The following FRMD4B variants were observed in gnomAD, a reference collection of about 807,000 sequenced individuals.
FRMD4B encodes FERM domain containing 4B, also known as FERM domain-containing protein 4B.
Under a neutral mutation model 141.5 loss-of-function variants are expected in FRMD4B, and 74 were observed. The observed-to-expected ratio is 0.52, with a 90% CI of 0.43 to 0.63. The LOEUF is 0.63. Among genes scored for constraint, FRMD4B ranks in the 30% least tolerant of loss-of-function variants. The pLI is 0.00. For synonymous variants in FRMD4B, 506 were observed against 467.9 expected (o/e 1.08, Z -1.05); for missense variants, 1,366 against 1,253.4 (o/e 1.09, Z -1.36).
At chr3:69,330,647 C>CTTT (rs59308674) in intron 1 of FRMD4B, among the ~76,000 whole-genome samples, 3,343 of 147,240 alleles carry the variant, frequency 0.023, 110 homozygotes, top group African/African-American at 0.078. Flanking sequence ...GCCTGGCCGC[C>CTTT]TTTTTTTTTT....
At chr3:69,478,777 G>A (rs996828762) in intron 1 of FRMD4B, among the ~76,000 whole-genome samples, 10 of 152,108 alleles carry the variant, frequency 6.6e-5, no homozygotes, top group East Asian at 5.8e-4. Flanking sequence ...TTTCTGTCTC[G>A]TTGATCTGTC....
intron 2 of FRMD4B, among the ~76,000 whole-genome samples, chr3:69,413,387 G>A (rs894204108): frequency 3.9e-5 from 6 of 152,144 alleles, no homozygotes; most frequent in Middle Eastern, 3.2e-3. Flanking sequence ...ACCCCAGGCC[G>A]TCTTGATGTT....
intron 18 of FRMD4B, among the ~76,000 whole-genome samples, chr3:69,188,381 T>C (rs1293706382): frequency 6.6e-6 from 1 of 152,228 alleles, no homozygotes; most frequent in Non-Finnish European, 1.5e-5. Context: ...AGGCTTGTTA[T>C]GTTTTCCACT....
intron 7 of FRMD4B, among the ~76,000 whole-genome samples, chr3:69,244,448 G>A (rs1372186909): frequency 6.6e-6 from 1 of 152,164 alleles, no homozygotes; most frequent in South Asian, 2.1e-4. Flanking sequence ...AGGTATTTGG[G>A]GACATATTTT....
At chr3:69,290,286 G>A (rs192391793) in intron 4 of FRMD4B, among the ~76,000 whole-genome samples, 356 of 152,252 alleles carry the variant, frequency 2.3e-3, no homozygotes, top group Middle Eastern at 3.4e-3. Flanking sequence ...CTTGAGGGGC[G>A]GGTGAGGAGG....
At chr3:69,481,240 A>T (rs1323345042) in intron 1 of FRMD4B, among the ~76,000 whole-genome samples, 1 of 151,852 alleles carries the variant, frequency 6.6e-6, no homozygotes, top group Non-Finnish European at 1.5e-5. Flanking sequence ...ACTGTCTGGC[A>T]CTCCCTAGTG....
intron 7 of FRMD4B, among the ~76,000 whole-genome samples, chr3:69,234,217 C>G (rs2093329856): frequency 6.6e-6 from 1 of 150,398 alleles, no homozygotes; most frequent in Non-Finnish European, 1.5e-5. Context: ...TGCCCTCCAG[C>G]CTGGGTGACA....
At chr3:69,172,051 C>T in intron 22 of FRMD4B, 70 bp from the exon 23 acceptor site, 8 of 1,457,964 alleles carry the variant, frequency 5.5e-6, no homozygotes, top group Admixed American at 1.8e-5. Context: ...AAGACTACTA[C>T]ATTTAAAGAA....
chr3:69,209,819 A>C (rs2093058577), intron 11 of FRMD4B, among the ~76,000 whole-genome samples: 1 of 152,166 alleles, frequency 6.6e-6, no homozygotes, highest in Non-Finnish European at 1.5e-5. Context: ...AGAACAACCC[A>C]TGTTCTCTTC....
chr3:69,468,047 A>G (rs1025724203), intron 1 of FRMD4B, among the ~76,000 whole-genome samples: 4 of 152,232 alleles, frequency 2.6e-5, no homozygotes, highest in Non-Finnish European at 5.9e-5. Context: ...GTTTTTGACA[A>G]AGAGCAAATG....
intron 4 of FRMD4B, among the ~76,000 whole-genome samples, chr3:69,295,941 C>T (rs916493112): frequency 6.6e-6 from 1 of 152,130 alleles, no homozygotes. Flanking sequence ...CTCAGCCTCC[C>T]GCGTAGCTGG....
intron 1 of FRMD4B, among the ~76,000 whole-genome samples, chr3:69,486,289 G>A (rs1464747902): frequency 1.3e-5 from 2 of 152,144 alleles, no homozygotes; most frequent in Non-Finnish European, 2.9e-5. Flanking sequence ...AAGTTCTTTA[G>A]TGATCTGTGA....
At chr3:69,490,255 A>C (rs1467356107) in intron 1 of FRMD4B, among the ~76,000 whole-genome samples, 1 of 152,230 alleles carries the variant, frequency 6.6e-6, no homozygotes, top group African/African-American at 2.4e-5. Flanking sequence ...ATCCCAATGA[A>C]AGCTTAAAAA....
chr3:69,297,744 C>G (rs887181272), intron 4 of FRMD4B, among the ~76,000 whole-genome samples: 7 of 152,138 alleles, frequency 4.6e-5, no homozygotes, highest in Non-Finnish European at 1.0e-4. Context: ...TAATTTATGG[C>G]AGCCAGATAA....
chr3:69,199,048 A>T, intron 11 of FRMD4B: 1 of 325,638 alleles, frequency 3.1e-6, no homozygotes, highest in South Asian at 3.2e-5. Context: ...AGGCAGGTGG[A>T]TCACGAGGTC....
At chr3:69,203,058 G>A (rs1487725704) in intron 11 of FRMD4B, among the ~76,000 whole-genome samples, 1 of 149,164 alleles carries the variant, frequency 6.7e-6, no homozygotes, top group African/African-American at 2.5e-5. Flanking sequence ...GTCATCACAA[G>A]AAATTCCCTT....
intron 1 of FRMD4B, among the ~76,000 whole-genome samples, chr3:69,330,180 A>G (rs1251613138): frequency 6.6e-6 from 1 of 151,784 alleles, no homozygotes; most frequent in Non-Finnish European, 1.5e-5. Context: ...TGAACAAATG[A>G]GTTGATTTTC....
chr3:69,410,726 A>AATAAATATAT (rs1559519781), intron 2 of FRMD4B, among the ~76,000 whole-genome samples: 19 of 86,246 alleles, frequency 2.2e-4, no homozygotes, highest in African/African-American at 3.7e-4. Flanking sequence ...TAAATAAATA[A>AATAAATATAT]ATATATATAT....
intron 1 of FRMD4B, among the ~76,000 whole-genome samples, chr3:69,484,980 G>GC (rs1706189175): frequency 2.0e-5 from 3 of 152,050 alleles, no homozygotes; most frequent in African/African-American, 7.2e-5. Flanking sequence ...GGCTTCTCTG[G>GC]GCCCCCCCAC....
Sources: allele counts gnomAD v4.1 joint callset (sites outside exome capture counted in the v4.1 genomes callset), GRCh38; gene constraint gnomAD v4.1.1; transcripts MANE v1.5; gene names NCBI Gene and HGNC (gene_info 2026-07-23, HGNC 2026-07-21).